The following PTPRD variants were observed in gnomAD, a reference collection of about 807,000 sequenced individuals.
The protein encoded by PTPRD is receptor-type tyrosine-protein phosphatase delta.
Under a neutral mutation model 214.5 loss-of-function variants are expected in PTPRD, and 34 were observed. The observed-to-expected ratio is 0.16, with a 90% CI of 0.12 to 0.21. The LOEUF (loss-of-function observed/expected upper bound fraction) is 0.21, where lower values mean the gene tolerates loss of function less well. Among genes scored for constraint, PTPRD ranks in the 10% least tolerant of loss-of-function variants. PTPRD has a pLI of 1.00. For synonymous variants in PTPRD, 1,128 were observed against 845.7 expected, an observed-to-expected ratio of 1.33 and a Z score of -5.79; for missense variants, 2,545 against 2,398.7, an observed-to-expected ratio of 1.06 and a Z score of -1.27.
chr9:8,696,852 CCTTT>C (rs1432800717), intron 12 of PTPRD, among the ~76,000 whole-genome samples: 2 of 152,142 alleles, frequency 1.3e-5, no homozygotes, highest in East Asian at 3.9e-4. Flanking sequence ...AAAACCGTTC[CCTTT>C]CTTAGTATTC....
chr9:8,910,498 C>A (rs1313460403), intron 11 of PTPRD, among the ~76,000 whole-genome samples: 1 of 152,018 alleles, frequency 6.6e-6, no homozygotes, highest in Admixed American at 6.6e-5. Flanking sequence ...GGTGGCTTTA[C>A]AAGAGAGGAA....
In PTPRD at chr9:9,212,301, T is replaced by C. The variant is rs377448915; in HGVS notation, c.-202-28938A>G. 2.0e-5 allele frequency among the ~76,000 whole-genome samples: 3 copies of C among 152,220 alleles called. No individual in the cohort carries two copies. The East Asian group carries it at 5.8e-4, about 29-fold the overall frequency. ...ATAAGACTAAGGAAAATAACAATAA[T>C]ATCACTAATACACATCAAATGTCTC... On this transcript the variant is annotated intron_variant, in intron 9 of 45. Transcript: ENST00000381196.
intron 12 of PTPRD, among the ~76,000 whole-genome samples, chr9:8,720,169 G>A (rs951879764): frequency 2.0e-5 from 3 of 152,198 alleles, no homozygotes; most frequent in African/African-American, 7.2e-5. Context: ...ACTCTGGCTG[G>A]AATGCCAAGA....
chr9:9,295,430 A>G (rs73390834), intron 9 of PTPRD, among the ~76,000 whole-genome samples: 2,485 of 151,836 alleles, frequency 0.016, 62 homozygotes, highest in African/African-American at 0.057. Flanking sequence ...TCATTGTAAC[A>G]TAAATATGCA....
At chr9:9,997,961 C>T (rs1313923210) in intron 4 of PTPRD, among the ~76,000 whole-genome samples, 1 of 151,648 alleles carries the variant, frequency 6.6e-6, no homozygotes, top group East Asian at 1.9e-4. Flanking sequence ...AATGACACAC[C>T]TGGTGATACC....
chr9:9,841,992 A>G (rs1226515097), intron 5 of PTPRD, among the ~76,000 whole-genome samples: 1 of 152,072 alleles, frequency 6.6e-6, no homozygotes, highest in African/African-American at 2.4e-5. Flanking sequence ...AGTAGGATAA[A>G]TATTTAATAT....
At chr9:8,896,673 G>GA (rs1344284720) in intron 11 of PTPRD, among the ~76,000 whole-genome samples, 1 of 152,146 alleles carries the variant, frequency 6.6e-6, no homozygotes, top group Non-Finnish European at 1.5e-5. Context: ...TGTGTGACTT[G>GA]AATAGTTTCA....
intron 12 of PTPRD, among the ~76,000 whole-genome samples, chr9:8,688,445 G>A (rs1338245162): frequency 6.6e-6 from 1 of 151,756 alleles, no homozygotes; most frequent in Non-Finnish European, 1.5e-5. Flanking sequence ...GGCGCCTGTA[G>A]TCCCAGCTAC....
chr9:10,478,005 C>A (rs1283020240), intron 2 of PTPRD, among the ~76,000 whole-genome samples: 2 of 151,522 alleles, frequency 1.3e-5, no homozygotes, highest in African/African-American at 4.9e-5. Flanking sequence ...GGAGGGAGAG[C>A]ATTAGCACAA....
At chr9:9,694,015 ATTTC>A (rs1329611516) in intron 7 of PTPRD, among the ~76,000 whole-genome samples, 1 of 152,164 alleles carries the variant, frequency 6.6e-6, no homozygotes, top group Non-Finnish European at 1.5e-5. Context: ...ATAATCTTGA[ATTTC>A]TTTGAGTTTC....
intron 7 of PTPRD, among the ~76,000 whole-genome samples, chr9:9,590,729 G>C (rs534180764): frequency 2.6e-5 from 4 of 151,944 alleles, no homozygotes; most frequent in East Asian, 1.9e-4. Flanking sequence ...TGAATCTTAG[G>C]CATATTACAT....
At chr9:9,818,907 C>T (rs1034142680) in intron 5 of PTPRD, among the ~76,000 whole-genome samples, 1 of 100,692 alleles carries the variant, frequency 9.9e-6, no homozygotes, top group Non-Finnish European at 1.7e-5. Context: ...CAGAGCAAGA[C>T]ACTGTCTCAA....
chr9:10,262,056 T>G lies in PTPRD; in HGVS notation c.-545+78907A>C, dbSNP rs1240150023. 2.0e-5 allele frequency among the ~76,000 whole-genome samples: 3 copies of G among 152,276 alleles called. No individual in the cohort carries two copies. The East Asian group carries it at 5.8e-4, about 29-fold the overall frequency. On this transcript the variant is annotated intron_variant, in intron 3 of 45. Transcript: ENST00000381196. ...GAAGATAATCAAAGGCCGAAGATGC[T>G]ACTTAATATGACCAGGTCACCTATT...
intron 3 of PTPRD, among the ~76,000 whole-genome samples, chr9:10,309,178 T>G: frequency 6.6e-6 from 1 of 152,176 alleles, no homozygotes; most frequent in African/African-American, 2.4e-5. Flanking sequence ...TCCTTCAAAC[T>G]TCTAAACAAT....
chr9:9,041,132 C>T (rs544767916), intron 10 of PTPRD, among the ~76,000 whole-genome samples: 1 of 152,026 alleles, frequency 6.6e-6, no homozygotes, highest in Non-Finnish European at 1.5e-5. Flanking sequence ...TAAGATAGAA[C>T]TTTAACAAAA....
At chr9:8,507,112 T>C (rs1036230727) in intron 22 of PTPRD, among the ~76,000 whole-genome samples, 189 bp downstream of exon 22, 8 of 152,082 alleles carry the variant, frequency 5.3e-5, no homozygotes, top group Non-Finnish European at 1.2e-4. Flanking sequence ...CCACTGTTTT[T>C]TGTCATTGTT....
intron 10 of PTPRD, among the ~76,000 whole-genome samples, chr9:9,104,729 C>G: frequency 6.6e-6 from 1 of 152,188 alleles, no homozygotes; most frequent in East Asian, 1.9e-4. Flanking sequence ...TGATATTAAG[C>G]TATGCATTCA....
At chr9:8,336,733 T>C (rs1224637416) in intron 43 of PTPRD, among the ~76,000 whole-genome samples, 2 of 151,618 alleles carry the variant, frequency 1.3e-5, no homozygotes, top group South Asian at 2.1e-4. Flanking sequence ...ATCCAGAATC[T>C]ACAAAGAACT....
chr9:10,387,695 C>T (rs532284288), intron 2 of PTPRD, among the ~76,000 whole-genome samples: 1 of 151,428 alleles, frequency 6.6e-6, no homozygotes, highest in South Asian at 2.1e-4. Flanking sequence ...CAAATGAAAG[C>T]TTCAAGAGGA....
Sources: allele counts gnomAD v4.1 joint callset (sites outside exome capture counted in the v4.1 genomes callset), GRCh38; gene constraint gnomAD v4.1.1; transcripts MANE v1.5; gene names NCBI Gene and HGNC (gene_info 2026-07-23, HGNC 2026-07-21).